The following KIAA0586 variants were observed in gnomAD, a reference collection of about 807,000 sequenced individuals.
KIAA0586 encodes KIAA0586, also known as protein TALPID3.
Under a neutral mutation model 169.8 loss-of-function variants are expected in KIAA0586, and 144 were observed. That is an observed-to-expected ratio of 0.85 (90% confidence interval 0.74 to 0.97). The LOEUF (loss-of-function observed/expected upper bound fraction) is 0.97, where lower values mean the gene tolerates loss of function less well. Ranked by LOEUF, KIAA0586 falls within the 50% of genes least tolerant of loss-of-function variation. The probability of loss-of-function intolerance (pLI) is 0.00; values close to 1 mark genes in which losing one functional copy is unlikely to be tolerated. For synonymous variants in KIAA0586, 625 were observed against 612.4 expected (o/e 1.02, Z -0.30); for missense variants, 1,854 against 1,823.0 (o/e 1.02, Z -0.31).
the KIAA0586 span, among the ~76,000 whole-genome samples, chr14:58,559,562 G>A: frequency 1.3e-5 from 2 of 152,102 alleles, no homozygotes; most frequent in African/African-American, 2.4e-5. Context: ...TCTGGCATAA[G>A]GAATTTCACC....
Position 58,492,125 on chromosome 14 carries a change from G to C in KIAA0586, c.3859-19G>C, listed in dbSNP as rs2042872445. ...TCGAAATAATTTATTTTTATTAATT[G>C]TCTTTATGTTTCTTTTAGGAGGATG... On this transcript the variant is annotated intron_variant, in intron 25 of 30. Coordinates refer to ENST00000652326, the MANE Select transcript of KIAA0586 (RefSeq NM_001329943.3). 2 of 1,486,598 alleles carry C rather than the reference G, an allele frequency of 1.3e-6. No homozygotes were observed. The allele number at this position is 1,486,598 out of a possible 1,614,324, so 92.1% of individuals were successfully genotyped here. A position where few individuals can be genotyped will look rare whatever the true frequency, so the allele number is the denominator to read the frequency against.
intron 9 of KIAA0586, among the ~76,000 whole-genome samples, 197 bp downstream of exon 9, chr14:58,453,670 T>A (rs2039585949): frequency 6.6e-6 from 1 of 152,170 alleles, no homozygotes; most frequent in Non-Finnish European, 1.5e-5. Context: ...TTTTTCAAAA[T>A]GCAGGTTATT....
intron 29 of KIAA0586, among the ~76,000 whole-genome samples, chr14:58,517,746 A>G (rs2044870093): frequency 6.6e-6 from 1 of 152,210 alleles, no homozygotes; most frequent in Non-Finnish European, 1.5e-5. Context: ...AAGTAAATGG[A>G]TAAACAATCT....
chr14:58,469,303 GC>G (rs1022942619), intron 16 of KIAA0586, among the ~76,000 whole-genome samples: 2 of 152,190 alleles, frequency 1.3e-5, no homozygotes, highest in African/African-American at 4.8e-5. Context: ...AGGAGCAAAT[GC>G]ACAATAAAGC....
In KIAA0586 at chr14:58,534,821, A is replaced by G. The variant is rs185108338; in HGVS notation, c.4430-5250A>G. Among the ~76,000 whole-genome samples the G allele has an allele frequency of 2.8e-3, 430 of 152,354 alleles. 4 individuals are homozygous for G. The highest frequency in any genetic ancestry group is 9.9e-3 in the African/African-American group (412 of 41,584). On this transcript the variant is annotated intron_variant, in intron 29 of 30. Transcript: ENST00000652326. Reference sequence around the variant, plus strand: ...AAAACTACAAAGGTATCATCTTTTAATTGCTGAAACTGCCCTATTGGTTTC... The same window carrying G: ...AAAACTACAAAGGTATCATCTTTTAGTTGCTGAAACTGCCCTATTGGTTTC...
At chr14:58,504,457 T>G (rs1466712182) in intron 27 of KIAA0586, among the ~76,000 whole-genome samples, 1 of 152,150 alleles carries the variant, frequency 6.6e-6, no homozygotes, top group African/African-American at 2.4e-5. Flanking sequence ...TTATACATAC[T>G]GAATTTGTGA....
chr14:58,532,536 C>A (rs926436350), intron 29 of KIAA0586, among the ~76,000 whole-genome samples: 1 of 152,188 alleles, frequency 6.6e-6, no homozygotes, highest in South Asian at 2.1e-4. Context: ...CCATCATTTT[C>A]AGAAAAGATA....
intron 12 of KIAA0586, 102 bp from the exon 13 acceptor site, chr14:58,459,741 C>G (rs1214181507): frequency 4.9e-6 from 3 of 616,530 alleles, no homozygotes; most frequent in Non-Finnish European, 7.9e-6. Context: ...AACTGCTAAA[C>G]TGTATTTATA....
chr14:58,435,998 C>T (rs949987122), intron 4 of KIAA0586, among the ~76,000 whole-genome samples: 2 of 152,096 alleles, frequency 1.3e-5, no homozygotes, highest in African/African-American at 2.4e-5. Context: ...CTTGACCCAT[C>T]GTGCCCAGCC....
intron 8 of KIAA0586, among the ~76,000 whole-genome samples, chr14:58,452,668 T>C (rs1256771749): frequency 2.0e-5 from 3 of 152,192 alleles, no homozygotes; most frequent in Non-Finnish European, 1.5e-5. Flanking sequence ...GTAGGGGTTT[T>C]TCTATGAATT....
chr14:58,502,492 A>G (rs1376971845), intron 27 of KIAA0586, among the ~76,000 whole-genome samples: 2 of 152,210 alleles, frequency 1.3e-5, no homozygotes, highest in Non-Finnish European at 2.9e-5. Context: ...CACTTCTGTC[A>G]TATTCCATTG....
intron 5 of KIAA0586, 84 bp downstream of exon 5, chr14:58,442,964 TC>T: frequency 9.9e-7 from 1 of 1,009,846 alleles, no homozygotes; most frequent in Non-Finnish European, 1.4e-6. Flanking sequence ...AATGGTTGTG[TC>T]CAGTTATAGA....
chr14:58,505,511 G>GT (rs1188949435), intron 27 of KIAA0586, among the ~76,000 whole-genome samples: 3 of 152,166 alleles, frequency 2.0e-5, no homozygotes, highest in Admixed American at 6.5e-5. Flanking sequence ...ACGAGCAAAT[G>GT]TATCTTTAGT....
intron 11 of KIAA0586, 39 bp downstream of exon 11, chr14:58,458,018 G>T: frequency 7.6e-7 from 1 of 1,308,972 alleles, no homozygotes; most frequent in South Asian, 1.3e-5. Flanking sequence ...TTATGAGTCT[G>T]TCAGTTCCAC....
intron 29 of KIAA0586, among the ~76,000 whole-genome samples, chr14:58,525,052 C>A (rs765508744): frequency 6.6e-6 from 1 of 152,084 alleles, no homozygotes; most frequent in Admixed American, 6.5e-5. Context: ...GGAAATCTCT[C>A]CTTTTTGAAT....
chr14:58,528,560 C>T (rs931710383), intron 29 of KIAA0586, among the ~76,000 whole-genome samples: 4 of 152,218 alleles, frequency 2.6e-5, no homozygotes, highest in East Asian at 1.9e-4. Flanking sequence ...TCACTCAAAA[C>T]GGCACAACTA....
intron 29 of KIAA0586, among the ~76,000 whole-genome samples, chr14:58,531,730 A>G (rs2045981619): frequency 6.6e-6 from 1 of 152,216 alleles, no homozygotes. Flanking sequence ...AGACACATGC[A>G]CACGTATATT....
At chr14:58,448,273 A>G (rs1489285281) in intron 6 of KIAA0586, 67 bp from the exon 7 acceptor site, 21 of 1,000,744 alleles carry the variant, frequency 2.1e-5, no homozygotes, top group East Asian at 1.3e-4. Flanking sequence ...TAATATTTCA[A>G]TGTATTTTAT....
intron 29 of KIAA0586, 61 bp from the exon 30 acceptor site, chr14:58,540,010 T>A: frequency 1.0e-6 from 1 of 978,354 alleles, no homozygotes; most frequent in East Asian, 2.6e-5. Context: ...TGAATAGGAA[T>A]GAATCATGAT....
Sources: allele counts gnomAD v4.1 joint callset (sites outside exome capture counted in the v4.1 genomes callset), GRCh38; gene constraint gnomAD v4.1.1; transcripts MANE v1.5; gene names NCBI Gene and HGNC (gene_info 2026-07-23, HGNC 2026-07-21).